Variants in AEBP2 observed in about 807,000 individuals in gnomAD.
AEBP2 encodes the protein zinc finger protein AEBP2.
AEBP2 carries 10 observed loss-of-function variants against 50.8 expected under a neutral mutation model. That is an observed-to-expected ratio of 0.20 (90% CI 0.12 to 0.33). The LOEUF (loss-of-function observed/expected upper bound fraction) is 0.33, where lower values mean the gene tolerates loss of function less well. Among genes scored for constraint, AEBP2 ranks in the 10% least tolerant of loss-of-function variants. The pLI is 1.00. For synonymous variants in AEBP2, 296 were observed against 261.3 expected (o/e 1.13, Z -1.28); for missense variants, 570 against 688.0 (o/e 0.83, Z 1.92).
At chr12:19,473,376 A>AATTTATTT (rs71530938) in intron 3 of AEBP2, 21 bp downstream of exon 3, 10,034 of 173,142 alleles carry the variant, frequency 0.058, 106 homozygotes, top group African/African-American at 0.1. Flanking sequence ...ATGTATATAA[A>AATTTATTT]ATTTATTTAT....
rs1313890255 is a variant in AEBP2, at chr12:19,413,467, A to G, written c.-17+9251A>G. On this transcript the variant is annotated intron_variant, in intron 1 of 3. Coordinates refer to the AEBP2 transcript ENST00000538425. ...TGAAGAAGACGATTATTGAACTACA[A>G]GTGCTCACAGACTAGAACTTAACAG... 3 of 1,074,442 alleles carry G rather than the reference A, an allele frequency of 2.8e-6. No homozygotes were observed. In the Admixed American group the frequency reaches 5.1e-5, roughly 18 times the overall value. 66.6% of individuals were successfully genotyped at this position (1,074,442 alleles called of 1,614,324 possible).
chr12:19,440,418 C>A, intron 1 of AEBP2, 48 bp downstream of exon 1: 1 of 1,453,304 alleles, frequency 6.9e-7, no homozygotes, highest in East Asian at 2.4e-5. Context: ...CTTGAACTCC[C>A]GGGCCCCTCA....
intron 1 of AEBP2, among the ~76,000 whole-genome samples, chr12:19,444,590 T>A (rs563297657): frequency 6.6e-6 from 1 of 152,292 alleles, no homozygotes; most frequent in East Asian, 1.9e-4. Context: ...TATATTTCAA[T>A]TTTTGAGTAG....
At position 19,479,851 on chromosome 12, in the gene AEBP2, T is replaced by C. The variant is rs544308679; in HGVS notation, c.987+6496T>C. On this transcript the variant is annotated intron_variant, in intron 3 of 7. Transcript: ENST00000266508. ...GAGTATCTTTTTCCACCCCTTTACCTTAAGTTTATTTGAGTCCTTATGTGT... is the reference window on the plus strand; with the variant it reads ...GAGTATCTTTTTCCACCCCTTTACCCTAAGTTTATTTGAGTCCTTATGTGT... Among the ~76,000 whole-genome samples, 32 of 151,024 alleles carry C rather than the reference T, an allele frequency of 2.1e-4. No individual in the cohort carries two copies. The East Asian group carries it at 5.9e-3, about 28-fold the overall frequency.
intron 6 of AEBP2, among the ~76,000 whole-genome samples, 179 bp from the exon 7 acceptor site, chr12:19,514,492 A>G (rs1294371810): frequency 6.6e-6 from 1 of 152,218 alleles, no homozygotes; most frequent in Non-Finnish European, 1.5e-5. Context: ...GCCATTTCTT[A>G]TCTGGGACTC....
intron 5 of AEBP2, among the ~76,000 whole-genome samples, chr12:19,509,816 C>CTTTTTT (rs1565737482): frequency 7.4e-5 from 9 of 121,050 alleles, no homozygotes; most frequent in African/African-American, 2.6e-4. Context: ...AACATGGCTA[C>CTTTTTT]TTTCTTTTTT....
chr12:19,421,896 T>C (rs2095746027), intron 1 of AEBP2, among the ~76,000 whole-genome samples: 1 of 152,164 alleles, frequency 6.6e-6, no homozygotes, highest in African/African-American at 2.4e-5. Context: ...TCGCCTGTAA[T>C]CCCAGCACTT....
chr12:19,477,081 TA>T (rs1048952525), intron 3 of AEBP2, among the ~76,000 whole-genome samples: 2 of 152,156 alleles, frequency 1.3e-5, no homozygotes, highest in African/African-American at 2.4e-5. Flanking sequence ...GCTTTTGTAA[TA>T]GGGGTTAAGT....
intron 1 of AEBP2, chr12:19,456,444 C>A: frequency 7.0e-7 from 1 of 1,427,324 alleles, no homozygotes. Flanking sequence ...GGCAGCATCA[C>A]CAGAGTTCAA....
chr12:19,418,978 T>C (rs547269469), intron 1 of AEBP2: 1 of 154,070 alleles, frequency 6.5e-6, no homozygotes, highest in Non-Finnish European at 1.5e-5. Flanking sequence ...ATGTGCTTAG[T>C]GTAGGAGAGG....
intron 5 of AEBP2, among the ~76,000 whole-genome samples, chr12:19,504,229 T>C (rs1949122842): frequency 6.6e-6 from 1 of 151,244 alleles, no homozygotes; most frequent in African/African-American, 2.4e-5. Context: ...TATTGTGATC[T>C]AGTATAGTTG....
At chr12:19,445,975 G>A (rs1437655945) in intron 1 of AEBP2, 7 of 152,110 alleles carry the variant, frequency 4.6e-5, no homozygotes, top group Non-Finnish European at 1.0e-4. Flanking sequence ...TCATGAATTT[G>A]CATGTCATCC....
intron 1 of AEBP2, among the ~76,000 whole-genome samples, chr12:19,456,084 G>T (rs1319461847): frequency 6.6e-6 from 1 of 152,076 alleles, no homozygotes; most frequent in Non-Finnish European, 1.5e-5. Context: ...GAAAACCAAA[G>T]TGGTCCACAA....
chr12:19,440,342 C>G lies in AEBP2; in HGVS notation c.643C>G (p.Pro215Ala). 1.4e-6 allele frequency: 2 copies of G among 1,470,146 alleles called. No individual in the cohort carries two copies. Among genetic ancestry groups the G allele is most frequent in the Non-Finnish European group, 1.8e-6 (2 of 1,118,510 alleles). The allele number at this position is 1,470,146 out of a possible 1,614,324, so 91.1% of individuals were successfully genotyped here. A position where few individuals can be genotyped will look rare whatever the true frequency, so the allele number is the denominator to read the frequency against. Reference sequence around the variant, plus strand: ...CTTGGAGATGTCGTCGGATGGGGAACCCCTGAGCCGCATGGACTCGGAGGA... The same window carrying G: ...CTTGGAGATGTCGTCGGATGGGGAAGCCCTGAGCCGCATGGACTCGGAGGA... Reference protein sequence around the residue: ...GSLEMSSDGEPLSRMDSEDSI... With the variant: ...GSLEMSSDGEALSRMDSEDSI... The change falls in exon 1 of 8, where the codon CCC becomes GCC. Residue 215 changes from proline to alanine, a missense_variant. By Grantham distance (27) the Pro-to-Ala change is conservative. Transcript: ENST00000266508.
intron 2 of AEBP2, among the ~76,000 whole-genome samples, chr12:19,468,139 TG>T (rs1948512135): frequency 7.3e-6 from 1 of 136,586 alleles, no homozygotes; most frequent in East Asian, 2.8e-4. Context: ...TGTGTGTGTG[TG>T]TGTGTGTGTG....
intron 1 of AEBP2, among the ~76,000 whole-genome samples, chr12:19,444,945 A>G (rs565744300): frequency 6.6e-6 from 1 of 152,214 alleles, no homozygotes; most frequent in African/African-American, 2.4e-5. Flanking sequence ...CGCAGGCTGG[A>G]GTGCAGTGGC....
chr12:19,488,180 G>A (rs1050354509), intron 3 of AEBP2, among the ~76,000 whole-genome samples: 2 of 150,714 alleles, frequency 1.3e-5, no homozygotes, highest in African/African-American at 2.4e-5. Flanking sequence ...CTAGAGTGCA[G>A]TGGTATAGTC....
At chr12:19,476,713 C>A (rs1227634105) in intron 3 of AEBP2, among the ~76,000 whole-genome samples, 2 of 152,266 alleles carry the variant, frequency 1.3e-5, no homozygotes, top group East Asian at 3.9e-4. Context: ...TTTTGGTAAG[C>A]ATAGCCTTGC....
intron 2 of AEBP2, 59 bp from the exon 3 acceptor site, chr12:19,473,189 A>G: frequency 1.4e-6 from 1 of 739,674 alleles, no homozygotes. Flanking sequence ...ATGTATGAGG[A>G]ATCAAACTCT....
Sources: allele counts gnomAD v4.1 joint callset (sites outside exome capture counted in the v4.1 genomes callset), GRCh38; gene constraint gnomAD v4.1.1; transcripts MANE v1.5; gene names NCBI Gene and HGNC (gene_info 2026-07-23, HGNC 2026-07-21).